The following EVI5 variants were observed in gnomAD, a reference collection of about 807,000 sequenced individuals.
EVI5 encodes the protein ecotropic viral integration site 5 protein homolog.
In EVI5, 73 loss-of-function variants were observed where a neutral mutation model predicts 112.0. The ratio of observed to expected loss-of-function variants is 0.65; its 90% CI spans 0.54 to 0.79. The LOEUF (loss-of-function observed/expected upper bound fraction) is 0.79, where lower values mean the gene tolerates loss of function less well. Among genes scored for constraint, EVI5 ranks in the 30% least tolerant of loss-of-function variants. The pLI is 0.00. For missense variants in EVI5, 900 were observed against 968.8 expected, an observed-to-expected ratio of 0.93 and a Z score of 0.94; for synonymous variants, 305 against 319.9, an observed-to-expected ratio of 0.95 and a Z score of 0.50.
intron 14 of EVI5, among the ~76,000 whole-genome samples, chr1:92,626,228 C>A (rs1438307752): frequency 6.6e-6 from 1 of 152,140 alleles, no homozygotes; most frequent in African/African-American, 2.4e-5. Flanking sequence ...CTTCCCCATC[C>A]CCTGGCAACC....
At chr1:92,665,074 G>C (rs957076651) in intron 11 of EVI5, among the ~76,000 whole-genome samples, 1 of 152,198 alleles carries the variant, frequency 6.6e-6, no homozygotes, top group South Asian at 2.1e-4. Context: ...GCGTGGTGGC[G>C]CACGCCTATA....
intron 4 of EVI5, among the ~76,000 whole-genome samples, chr1:92,702,628 A>G (rs1462777192): frequency 1.3e-5 from 2 of 151,928 alleles, no homozygotes; most frequent in Admixed American, 1.3e-4. Flanking sequence ...CAACATAGTG[A>G]AACCCTGTCT....
rs530801708 is a variant in EVI5, at chr1:92,713,323, CCTTTT to C, written c.150-8584_150-8580del. Among the ~76,000 whole-genome samples, 302 of 151,050 alleles carry C rather than the reference CCTTTT, an allele frequency of 2.0e-3. 1 individual carries two copies. The highest frequency in any genetic ancestry group is 7.1e-3 in the African/African-American group (292 of 41,076). The stretch of plus-strand genomic sequence containing the variant: ...ACAATACTAGTATTGTCTAGTATTG[CCTTTT>C]CTTTTTTCATTTTATGGTAGACAAT... On this transcript the variant is annotated intron_variant, in intron 2 of 19. Transcript: ENST00000684568.
chr1:92,587,891 C>T (rs1441808328), intron 18 of EVI5, among the ~76,000 whole-genome samples: 1 of 152,174 alleles, frequency 6.6e-6, no homozygotes, highest in Non-Finnish European at 1.5e-5. Flanking sequence ...AATCAATATG[C>T]TTATCTTTAT....
intron 19 of EVI5, among the ~76,000 whole-genome samples, chr1:92,543,861 A>G (rs1665242137): frequency 6.6e-6 from 1 of 152,250 alleles, no homozygotes; most frequent in African/African-American, 2.4e-5. Flanking sequence ...TGCTCAATGC[A>G]GGATTGCGAC....
chr1:92,591,385 C>G (rs1673856398), intron 18 of EVI5, among the ~76,000 whole-genome samples: 1 of 152,080 alleles, frequency 6.6e-6, no homozygotes, highest in Non-Finnish European at 1.5e-5. Flanking sequence ...TGCAGAGACA[C>G]ACATAGGCTC....
chr1:92,512,841 T>C lies in EVI5; in HGVS notation c.*815A>G, dbSNP rs201856476. 2.0e-5 allele frequency: 3 copies of C among 150,214 alleles called. No individual in the cohort carries two copies. The highest frequency in any genetic ancestry group is 1.3e-4 in the Admixed American group (2 of 15,002). The allele number at this position is 150,214 out of a possible 1,614,324, so 9.3% of individuals were successfully genotyped here. A position where few individuals can be genotyped will look rare whatever the true frequency, so the allele number is the denominator to read the frequency against. Reference sequence around the variant, plus strand: ...AAAATAAAAATAGAAAAAAAAAACCTCCCAGACACAAACAGACAAGGTAGG... The same window carrying C: ...AAAATAAAAATAGAAAAAAAAAACCCCCCAGACACAAACAGACAAGGTAGG... On this transcript the variant is annotated 3_prime_UTR_variant, in exon 20 of 20. Coordinates refer to ENST00000684568, the MANE Select transcript of EVI5 (RefSeq NM_001350197.2).
chr1:92,775,798 T>C (rs1356369683), intron 1 of EVI5, among the ~76,000 whole-genome samples: 1 of 152,120 alleles, frequency 6.6e-6, no homozygotes, highest in Non-Finnish European at 1.5e-5. Context: ...GCTTCTGTAT[T>C]TTATAAAACT....
At chr1:92,636,942 T>C (rs1294693923) in intron 13 of EVI5, among the ~76,000 whole-genome samples, 11 of 152,202 alleles carry the variant, frequency 7.2e-5, no homozygotes, top group African/African-American at 2.7e-4. Context: ...CACATTATAT[T>C]GCTATTTGAT....
At chr1:92,656,562 C>A (rs1201229667) in intron 13 of EVI5, among the ~76,000 whole-genome samples, 1 of 151,462 alleles carries the variant, frequency 6.6e-6, no homozygotes, top group Admixed American at 6.6e-5. Flanking sequence ...AAACTGAGAA[C>A]AACAACAACA....
At chr1:92,618,563 TG>T (rs1192405411) in intron 16 of EVI5, among the ~76,000 whole-genome samples, 9 of 152,114 alleles carry the variant, frequency 5.9e-5, no homozygotes, top group African/African-American at 2.2e-4. Context: ...CCATGCCCTG[TG>T]ATTAAGGTCA....
chr1:92,716,762 T>C (rs1558136320), intron 2 of EVI5, among the ~76,000 whole-genome samples: 1 of 150,626 alleles, frequency 6.6e-6, no homozygotes, highest in Non-Finnish European at 1.5e-5. Context: ...ATAAACAGTG[T>C]AGAGAAGACC....
chr1:92,761,315 G>A (rs999738549), intron 1 of EVI5, among the ~76,000 whole-genome samples: 1 of 152,072 alleles, frequency 6.6e-6, no homozygotes, highest in African/African-American at 2.4e-5. Flanking sequence ...AAACCAGAGT[G>A]TGCAGACTTA....
Position 92,744,893 on chromosome 1 carries a change from T to C in EVI5, c.-81-8266A>G, listed in dbSNP as rs763277520. 4.6e-5 allele frequency among the ~76,000 whole-genome samples: 7 copies of C among 152,098 alleles called. No individual in the cohort carries two copies. In the South Asian group the frequency reaches 6.2e-4, roughly 14 times the overall value. On this transcript the variant is annotated intron_variant, in intron 1 of 19. Coordinates refer to ENST00000684568, the MANE Select transcript of EVI5 (RefSeq NM_001350197.2). Reference sequence around the variant, plus strand: ...AGGCATTATTATACACTGTCAAAAGTAGAAGGTAGAGGAATTTACTTTCCA... The same window carrying C: ...AGGCATTATTATACACTGTCAAAAGCAGAAGGTAGAGGAATTTACTTTCCA...
intron 9 of EVI5, among the ~76,000 whole-genome samples, chr1:92,682,102 G>A (rs887688625): frequency 1.3e-5 from 2 of 152,130 alleles, no homozygotes; most frequent in Non-Finnish European, 2.9e-5. Flanking sequence ...GTGAGCCACT[G>A]TGCCCGGCCT....
At chr1:92,547,821 C>A (rs1162378274) in intron 19 of EVI5, among the ~76,000 whole-genome samples, 1 of 152,188 alleles carries the variant, frequency 6.6e-6, no homozygotes, top group African/African-American at 2.4e-5. Context: ...TCTGAATAGA[C>A]CAATAACAGG....
intron 17 of EVI5, among the ~76,000 whole-genome samples, chr1:92,605,732 T>G (rs1650236008): frequency 6.6e-6 from 1 of 152,182 alleles, no homozygotes; most frequent in African/African-American, 2.4e-5. Context: ...GCTTGTAATA[T>G]TTCAACTTTA....
chr1:92,635,351 T>A (rs902173043), intron 14 of EVI5, among the ~76,000 whole-genome samples: 2 of 152,174 alleles, frequency 1.3e-5, no homozygotes, highest in African/African-American at 4.8e-5. Flanking sequence ...CTGGCCGCGT[T>A]GTTTACCTAC....
chr1:92,632,860 T>G (rs897786287), intron 14 of EVI5, among the ~76,000 whole-genome samples: 4 of 152,214 alleles, frequency 2.6e-5, no homozygotes, highest in African/African-American at 9.6e-5. Context: ...TCCCAGAGAT[T>G]CTGGTATGCT....
Sources: gnomAD v4.1 joint callset for allele counts (sites outside exome capture counted in the v4.1 genomes callset) on GRCh38, gnomAD v4.1.1 for gene constraint, MANE v1.5 for transcripts, NCBI Gene and HGNC (gene_info 2026-07-23, HGNC 2026-07-21) for gene names.